Variants in OIT3 observed in about 807,000 individuals in gnomAD.
OIT3 encodes the protein oncoprotein induced transcript 3, also known as oncoprotein-induced transcript 3 protein.
Under a neutral mutation model 52.2 loss-of-function variants are expected in OIT3, and 41 were observed. The observed-to-expected ratio is 0.79, with a 90% CI of 0.61 to 1.02. The LOEUF (loss-of-function observed/expected upper bound fraction) is 1.02, where lower values mean the gene tolerates loss of function less well. Among genes scored for constraint, OIT3 ranks in the 50% least tolerant of loss-of-function variants. OIT3 has a pLI of 0.00. For missense variants in OIT3, 634 were observed against 715.5 expected, an observed-to-expected ratio of 0.89 and a Z score of 1.30; for synonymous variants, 244 against 276.9, an observed-to-expected ratio of 0.88 and a Z score of 1.18.
intron 4 of OIT3, among the ~76,000 whole-genome samples, chr10:72,909,847 A>T (rs1846014750): frequency 6.6e-6 from 1 of 152,048 alleles, no homozygotes; most frequent in Non-Finnish European, 1.5e-5. Context: ...TTCTTTCACC[A>T]TGTTGGCCAG....
chr10:72,911,677 G>C, intron 4 of OIT3, 40 bp from the exon 5 acceptor site: 1 of 1,600,060 alleles, frequency 6.2e-7, no homozygotes, highest in South Asian at 1.1e-5. Flanking sequence ...GGGGTAGAGG[G>C]TTACGAGATT....
At chr10:72,921,878 G>A (rs1846124720) in intron 6 of OIT3, among the ~76,000 whole-genome samples, 1 of 151,782 alleles carries the variant, frequency 6.6e-6, no homozygotes, top group Non-Finnish European at 1.5e-5. Flanking sequence ...CATCATGTTG[G>A]CCAGGCTGGT....
intron 5 of OIT3, among the ~76,000 whole-genome samples, chr10:72,912,910 G>A (rs1846042019): frequency 6.6e-6 from 1 of 152,108 alleles, no homozygotes; most frequent in Non-Finnish European, 1.5e-5. Flanking sequence ...AGTAATTAAT[G>A]GTAAAGTCAC....
intron 6 of OIT3, among the ~76,000 whole-genome samples, chr10:72,920,875 T>C (rs1351077962): frequency 6.6e-6 from 1 of 152,244 alleles, no homozygotes; most frequent in Non-Finnish European, 1.5e-5. Context: ...AAGTATCATA[T>C]GGTGATGAGA....
At chr10:72,899,691 AAGATAGATAGATGAT>A (rs1272037234) in intron 2 of OIT3, among the ~76,000 whole-genome samples, 2 of 147,548 alleles carry the variant, frequency 1.4e-5, no homozygotes, top group African/African-American at 5.1e-5. Context: ...ACCCCTTTTT[AAGATAGATAGATGAT>A]AGATAGATAG....
At chr10:72,895,184 C>T (rs1845863387) in intron 1 of OIT3, among the ~76,000 whole-genome samples, 1 of 152,154 alleles carries the variant, frequency 6.6e-6, no homozygotes, top group African/African-American at 2.4e-5. Context: ...AAATCCAAAA[C>T]TATTCCAAAA....
chr10:72,917,386 C>G (rs1393272654), intron 6 of OIT3, among the ~76,000 whole-genome samples: 2 of 152,072 alleles, frequency 1.3e-5, no homozygotes, highest in Non-Finnish European at 2.9e-5. Context: ...CCATGCCCAA[C>G]CACCGCTACT....
intron 1 of OIT3, among the ~76,000 whole-genome samples, chr10:72,896,293 A>G (rs936165685): frequency 6.6e-6 from 1 of 152,212 alleles, no homozygotes; most frequent in South Asian, 2.1e-4. Flanking sequence ...AAATATTTCT[A>G]TGACTCTGTA....
chr10:72,894,884 T>C (rs1467417336), intron 1 of OIT3, among the ~76,000 whole-genome samples: 1 of 151,676 alleles, frequency 6.6e-6, no homozygotes, highest in Non-Finnish European at 1.5e-5. Flanking sequence ...GGAGACTCCA[T>C]CTCAAAAAAA....
At chr10:72,894,182 C>CAA (rs201364848) in intron 1 of OIT3, among the ~76,000 whole-genome samples, 7 of 131,734 alleles carry the variant, frequency 5.3e-5, no homozygotes, top group African/African-American at 2.0e-4. Flanking sequence ...CTTGAAGAGC[C>CAA]AAAAAAAAAA....
intron 4 of OIT3, among the ~76,000 whole-genome samples, chr10:72,910,189 G>A (rs1262285663): frequency 6.6e-6 from 1 of 152,104 alleles, no homozygotes; most frequent in Non-Finnish European, 1.5e-5. Flanking sequence ...TATTGAAATT[G>A]TGACTCAGAG....
At chr10:72,917,390 C>T (rs577318919) in intron 6 of OIT3, among the ~76,000 whole-genome samples, 9 of 152,172 alleles carry the variant, frequency 5.9e-5, no homozygotes, top group Admixed American at 5.2e-4. Flanking sequence ...GCCCAACCAC[C>T]GCTACTACGA....
chr10:72,913,682 T>C (rs1250421093), intron 6 of OIT3: 4 of 662,568 alleles, frequency 6.0e-6, no homozygotes, highest in Non-Finnish European at 1.1e-5. Flanking sequence ...ATTCCTGTTT[T>C]CAAATAGTCC....
chr10:72,905,817 G>A (rs530564209), intron 3 of OIT3, among the ~76,000 whole-genome samples: 51 of 152,260 alleles, frequency 3.3e-4, no homozygotes, highest in African/African-American at 1.2e-3. Flanking sequence ...CATCTTCTGG[G>A]GTCCTAGACT....
At chr10:72,907,438 A>C (rs1845990555) in intron 4 of OIT3, among the ~76,000 whole-genome samples, 1 of 152,196 alleles carries the variant, frequency 6.6e-6, no homozygotes, top group Non-Finnish European at 1.5e-5. Context: ...TGGTCCAAGG[A>C]GCACACCTGG....
At chr10:72,902,534 A>C (rs1205551056) in intron 3 of OIT3, among the ~76,000 whole-genome samples, 1 of 152,196 alleles carries the variant, frequency 6.6e-6, no homozygotes, top group Non-Finnish European at 1.5e-5. Flanking sequence ...TATGTGTATT[A>C]GTCTGTTCTC....
At chr10:72,896,554 A>G (rs1845876523) in intron 1 of OIT3, among the ~76,000 whole-genome samples, 1 of 152,224 alleles carries the variant, frequency 6.6e-6, no homozygotes, top group African/African-American at 2.4e-5. Flanking sequence ...TTCTTGTCTT[A>G]CATTGTCATA....
intron 4 of OIT3, among the ~76,000 whole-genome samples, chr10:72,910,882 C>T (rs1426052694): frequency 6.6e-6 from 1 of 152,188 alleles, no homozygotes; most frequent in Non-Finnish European, 1.5e-5. Flanking sequence ...TAAATGAATG[C>T]ACATGGCTAT....
chr10:72,904,518 A>C (rs1242607939), intron 3 of OIT3, among the ~76,000 whole-genome samples: 4 of 152,168 alleles, frequency 2.6e-5, no homozygotes, highest in Non-Finnish European at 5.9e-5. Context: ...GAGCCCTGAT[A>C]AAGATTCTTA....
Sources: allele counts gnomAD v4.1 joint callset (sites outside exome capture counted in the v4.1 genomes callset), GRCh38; gene constraint gnomAD v4.1.1; transcripts MANE v1.5; gene names NCBI Gene and HGNC (gene_info 2026-07-23, HGNC 2026-07-21).